Variants in PRCC observed in about 807,000 individuals in gnomAD.
PRCC encodes proline-rich protein PRCC.
Under a neutral mutation model 44.0 loss-of-function variants are expected in PRCC, and 10 were observed. The ratio of observed to expected loss-of-function variants is 0.23; its 90% confidence interval spans 0.14 to 0.39. The LOEUF is 0.39. Among genes scored for constraint, PRCC ranks in the 10% least tolerant of loss-of-function variants. The probability of loss-of-function intolerance (pLI) is 1.00; values close to 1 mark genes in which losing one functional copy is unlikely to be tolerated. For synonymous variants in PRCC, 278 were observed against 259.5 expected (o/e 1.07, Z -0.69); for missense variants, 573 against 624.7 (o/e 0.92, Z 0.88).
At chr1:156,770,340 A>G (rs1651584422) in intron 1 of PRCC, among the ~76,000 whole-genome samples, 1 of 152,210 alleles carries the variant, frequency 6.6e-6, no homozygotes, top group Non-Finnish European at 1.5e-5. Context: ...AGGTAGCCTA[A>G]GAATGTTCAA....
At position 156,767,777 on chromosome 1, in the gene PRCC, G is replaced by A. The variant is rs766072065; in HGVS notation, c.6G>A (p.Ser2=). The A allele has an allele frequency of 1.3e-5, 21 of 1,600,656 alleles. No homozygotes were observed. Among genetic ancestry groups the A allele is most frequent in the Non-Finnish European group, 1.7e-5 (20 of 1,175,356 alleles). The change falls in exon 1 of 7, where the codon TCG becomes TCA. Residue 2 remains serine, a synonymous_variant. Transcript: ENST00000271526. M[S]LVAYASSDES... ...CCCGAAACGCGGGAGGCGCCATGTC[G>A]CTGGTTGCTTACGCCAGCAGCGATG...
At chr1:156,776,789 A>G (rs923192914) in intron 1 of PRCC, among the ~76,000 whole-genome samples, 2 of 152,202 alleles carry the variant, frequency 1.3e-5, no homozygotes, top group African/African-American at 4.8e-5. Context: ...TGGGGAATCC[A>G]TGAAAACCTT....
At chr1:156,799,983 G>T (rs1652783392) in intron 6 of PRCC, among the ~76,000 whole-genome samples, 2 of 152,176 alleles carry the variant, frequency 1.3e-5, no homozygotes, top group South Asian at 2.1e-4. Context: ...CTTTGAGACT[G>T]TCCTCTCCTA....
At position 156,767,831 on chromosome 1, in the gene PRCC, G is replaced by A. The variant is rs1364176827; in HGVS notation, c.60G>A (p.Glu20=). 6.2e-7 allele frequency: 1 copy of A among 1,610,732 alleles called. No individual in the cohort carries two copies. The highest frequency in any genetic ancestry group is 8.5e-7 in the Non-Finnish European group (1 of 1,179,220). ...DESEPDEAEP[E]PEEEEAVAPT... ...GCGAGCCGGATGAGGCTGAGCCCGA[G>A]CCGGAGGAAGAGGAGGCGGTGGCTC... The change falls in exon 1 of 7, where the codon GAG becomes GAA. Residue 20 remains glutamate (E), a synonymous_variant. Transcript: ENST00000271526.
Position 156,774,157 on chromosome 1 carries a change from C to CTTTTTTTTTTTTTTTTTTT in PRCC, c.468+5936_468+5954dup, listed in dbSNP as rs76271348. ...GAGTTTCTTTCTTTTTTTGAGTCAC[C>CTTTTTTTTTTTTTTTTTTT]TTTTTTTTTTTTTTTTTTTTTTTTT... On this transcript the variant is annotated intron_variant, in intron 1 of 6. Transcript: ENST00000271526. Among the ~76,000 whole-genome samples the CTTTTTTTTTTTTTTTTTTT allele has an allele frequency of 2.6e-4, 14 of 54,000 alleles. 4 individuals are homozygous for CTTTTTTTTTTTTTTTTTTT. Among genetic ancestry groups the CTTTTTTTTTTTTTTTTTTT allele is most frequent in the Non-Finnish European group, 4.5e-4 (14 of 31,012 alleles). The allele number at this position is 54,000 out of a possible 152,430, so 35.4% of individuals were successfully genotyped here.
At chr1:156,773,896 G>A (rs185737599) in intron 1 of PRCC, among the ~76,000 whole-genome samples, 31 of 152,260 alleles carry the variant, frequency 2.0e-4, no homozygotes, top group African/African-American at 5.1e-4. Context: ...ATGTGCACAC[G>A]TTAGGATATT....
chr1:156,787,862 T>TG (rs144899110), intron 3 of PRCC, among the ~76,000 whole-genome samples: 4,934 of 149,472 alleles, frequency 0.033, 261 homozygotes, highest in African/African-American at 0.12. Flanking sequence ...GACGGAGTCT[T>TG]GCTCTGTTGC....
At chr1:156,793,192 C>G (rs1391408985) in intron 4 of PRCC, among the ~76,000 whole-genome samples, 1 of 152,168 alleles carries the variant, frequency 6.6e-6, no homozygotes, top group Non-Finnish European at 1.5e-5. Context: ...CATCCACTCC[C>G]CTATGGATAT....
At chr1:156,769,620 G>C (rs1420608535) in intron 1 of PRCC, among the ~76,000 whole-genome samples, 1 of 150,232 alleles carries the variant, frequency 6.7e-6, no homozygotes. Context: ...TTTTTTTTGA[G>C]ACGGAGTCTC....
chr1:156,790,483 C>T (rs199730029), intron 3 of PRCC, among the ~76,000 whole-genome samples: 3 of 152,168 alleles, frequency 2.0e-5, no homozygotes, highest in Non-Finnish European at 1.5e-5. Context: ...ATTAGCTGAG[C>T]GTGCTGGCAT....
At chr1:156,782,727 T>C (rs191311996) in intron 2 of PRCC, among the ~76,000 whole-genome samples, 79 of 152,330 alleles carry the variant, frequency 5.2e-4, no homozygotes, top group Admixed American at 1.0e-3. Context: ...TAGCACTTAC[T>C]GTGTACCAGG....
intron 2 of PRCC, among the ~76,000 whole-genome samples, chr1:156,784,869 G>C (rs1426862225): frequency 6.6e-6 from 1 of 152,120 alleles, no homozygotes; most frequent in African/African-American, 2.4e-5. Flanking sequence ...TGGGTAATAG[G>C]AACTCTGGAT....
chr1:156,791,852 A>T, intron 4 of PRCC, 60 bp downstream of exon 4: 1 of 1,466,608 alleles, frequency 6.8e-7, no homozygotes, highest in Non-Finnish European at 9.4e-7. Flanking sequence ...TTCAAATCTG[A>T]AGCCAAAGGA....
chr1:156,781,149 G>A (rs988025083), intron 1 of PRCC, among the ~76,000 whole-genome samples: 51 of 152,272 alleles, frequency 3.3e-4, no homozygotes, highest in African/African-American at 1.2e-3. Context: ...AGCACACTGC[G>A]GGAAATGGTC....
At position 156,794,826 on chromosome 1, in the gene PRCC, A is replaced by T. The variant is rs755924878; in HGVS notation, c.1323+18A>T. ...TCAGCAAAGTAAGTGGGAAACGTCT[A>T]TTGAGTGGTCAGCTTGGGAAGCTGC... On this transcript the variant is annotated intron_variant, in intron 5 of 6. Transcript: ENST00000271526. 6.2e-7 allele frequency: 1 copy of T among 1,613,998 alleles called. No homozygotes were observed. The highest frequency in any genetic ancestry group is 1.1e-5 in the South Asian group (1 of 91,054).
intron 1 of PRCC, among the ~76,000 whole-genome samples, chr1:156,779,118 ATATATATATATTTTTTTTTTT>A (rs1651939788): frequency 1.0e-4 from 2 of 19,094 alleles, no homozygotes; most frequent in Non-Finnish European, 1.8e-4. Context: ...ATATATATAT[ATATATATATATTTTTTTTTTT>A]TTTTTTTTTT....
At chr1:156,785,008 G>A (rs978824671) in intron 2 of PRCC, among the ~76,000 whole-genome samples, 7 of 145,340 alleles carry the variant, frequency 4.8e-5, no homozygotes, top group Admixed American at 6.9e-5. Context: ...AAAAAATACA[G>A]CATATATATA....
At chr1:156,775,600 T>A (rs1651799616) in intron 1 of PRCC, among the ~76,000 whole-genome samples, 1 of 150,446 alleles carries the variant, frequency 6.6e-6, no homozygotes, top group Non-Finnish European at 1.5e-5. Flanking sequence ...AACCGCCGCC[T>A]CCCGGGTTCA....
At chr1:156,789,217 G>A (rs1281417846) in intron 3 of PRCC, among the ~76,000 whole-genome samples, 1 of 152,226 alleles carries the variant, frequency 6.6e-6, no homozygotes, top group East Asian at 1.9e-4. Flanking sequence ...TGATCTGCCT[G>A]CCTTGGACTC....
Sources: gnomAD v4.1 joint callset for allele counts (sites outside exome capture counted in the v4.1 genomes callset) on GRCh38, gnomAD v4.1.1 for gene constraint, MANE v1.5 for transcripts, NCBI Gene and HGNC (gene_info 2026-07-23, HGNC 2026-07-21) for gene names.